The following GJA8 variants were observed in gnomAD, a reference collection of about 807,000 sequenced individuals.
GJA8 encodes the protein gap junction alpha-8 protein.
GJA8 carries 13 observed loss-of-function variants against 15.3 expected under a neutral mutation model. The observed-to-expected ratio is 0.85, with a 90% confidence interval of 0.55 to 1.35. GJA8 has a LOEUF of 1.35. Among genes scored for constraint, GJA8 ranks in the 40% most tolerant of loss-of-function variants. The pLI, the probability that GJA8 is intolerant of heterozygous loss-of-function variation, is 0.00. For synonymous variants in GJA8, 304 were observed against 238.7 expected (o/e 1.27, Z -2.52); for missense variants, 607 against 553.3 (o/e 1.10, Z -0.97).
chr1:147,908,923 A>G lies in GJA8; in HGVS notation c.968A>G (p.Tyr323Cys), dbSNP rs1198931572. 1.2e-6 allele frequency: 2 copies of G among 1,612,186 alleles called. No homozygotes were observed. Among genetic ancestry groups the G allele is most frequent in the East Asian group, 2.2e-5 (1 of 44,850 alleles). Residue 323 changes from tyrosine to cysteine, a missense_variant, in exon 2 of 2, where the codon TAC (tyrosine) becomes TGC (cysteine). Tyr to Cys is a radical substitution (Grantham distance 194, BLOSUM62 -2). Coordinates refer to ENST00000369235, the MANE Select transcript of GJA8 (RefSeq NM_005267.5). ...GGCTACCAAGAGACACTGCCTTCCTACGCTCAGGTGGGGGCACAAGAAGTG... is the reference window on the plus strand; with the variant it reads ...GGCTACCAAGAGACACTGCCTTCCTGCGCTCAGGTGGGGGCACAAGAAGTG... ...SRGYQETLPS[Y>C]AQVGAQEVEG... is the part of the protein sequence containing the mutation.
rs782584748 is a variant in GJA8 at position 147,909,024 on chromosome 1, A to G, written c.1069A>G (p.Thr357Ala). Residue 357 changes from threonine (T) to alanine (A), a missense_variant, in exon 2 of 2, where the codon ACC becomes GCC. Physicochemically the swap from Thr to Ala is moderately conservative, Grantham distance 58. Transcript: ENST00000369235. ...GEKKEEAERL[T>A]TEEQEKVAVP... is the part of the protein sequence containing the mutation. ...GAAGAAGGAGGAAGCAGAGAGGCTGACCACGGAGGAGCAGGAGAAGGTGGC... is the reference window on the plus strand; with the variant it reads ...GAAGAAGGAGGAAGCAGAGAGGCTGGCCACGGAGGAGCAGGAGAAGGTGGC... The G allele has an allele frequency of 6.3e-6, 10 of 1,596,120 alleles. No individual in the cohort carries two copies. The South Asian group carries it at 1.0e-4, about 16-fold the overall frequency.
At chr1:147,904,215 G>A (rs1187987765) in intron 1 of GJA8, among the ~76,000 whole-genome samples, 1 of 152,170 alleles carries the variant, frequency 6.6e-6, no homozygotes, top group Non-Finnish European at 1.5e-5. Flanking sequence ...TTACAGGCAT[G>A]AGTCACCACG....
chr1:147,909,370 G>A (rs1390855484), downstream of GJA8: 8 of 836,894 alleles, frequency 9.6e-6, no homozygotes, highest in African/African-American at 1.4e-4. Context: ...CCAGCCTCTG[G>A]TTGGACAGGC....
intron 1 of GJA8, among the ~76,000 whole-genome samples, chr1:147,907,141 C>G (rs756212294): frequency 5.9e-5 from 9 of 152,102 alleles, no homozygotes; most frequent in Non-Finnish European, 1.0e-4. Context: ...CTTGCCCTGG[C>G]CTCCCAAAGT....
downstream of GJA8, among the ~76,000 whole-genome samples, chr1:147,913,774 C>G (rs1359431407): frequency 6.6e-6 from 1 of 152,174 alleles, no homozygotes; most frequent in Non-Finnish European, 1.5e-5. Flanking sequence ...TCTATGCATA[C>G]TGTGTGCAAA....
At chr1:147,907,190 A>G (rs1207013190) in intron 1 of GJA8, among the ~76,000 whole-genome samples, 1 of 152,150 alleles carries the variant, frequency 6.6e-6, no homozygotes, top group African/African-American at 2.4e-5. Flanking sequence ...CCTGGCCTTC[A>G]GTTTTCTTAT....
chr1:147,905,146 G>A (rs1651741606), intron 1 of GJA8, among the ~76,000 whole-genome samples: 1 of 152,140 alleles, frequency 6.6e-6, no homozygotes, highest in Admixed American at 6.5e-5. Flanking sequence ...TGTAGCAAGA[G>A]GACTGAAGTT....
rs782245059 is a variant in GJA8, at chr1:147,908,360, C to T, written c.405C>T (p.Ser135=). ...GCAGCGTCAAGAAGAGCAGCGGCAG[C>T]AAAGGCACTAAGAAGTTCCGGCTGG... ...DQGSVKKSSG[S]KGTKKFRLEG... is the part of the protein sequence containing the mutation. Residue 135 remains serine, a synonymous_variant, in exon 2 of 2, where the codon AGC becomes AGT. Coordinates refer to ENST00000369235, the MANE Select transcript of GJA8 (RefSeq NM_005267.5). 5.0e-6 allele frequency: 8 copies of T among 1,614,084 alleles called. No individual in the cohort carries two copies. The Admixed American group carries it at 5.0e-5, about 10-fold the overall frequency.
intron 1 of GJA8, 46 bp from the exon 2 acceptor site, chr1:147,907,899 T>C (rs1651860520): frequency 3.0e-6 from 4 of 1,327,438 alleles, no homozygotes; most frequent in Middle Eastern, 2.0e-4. Flanking sequence ...TGACTCAGGG[T>C]TGCATTGCGG....
At chr1:147,911,969 C>T (rs1553243538), downstream of GJA8, among the ~76,000 whole-genome samples, 1 of 151,792 alleles carries the variant, frequency 6.6e-6, no homozygotes, top group African/African-American at 2.4e-5. Context: ...ACACTGTCCC[C>T]ACATTTTCCC....
At chr1:147,909,268 AAG>A (rs1553243073) in exon 2 of GJA8, 6 of 1,472,608 alleles carry the variant, frequency 4.1e-6, no homozygotes, top group South Asian at 4.6e-5. Flanking sequence ...AGTGACGCCA[AAG>A]AAAAAAAAAA....
At chr1:147,907,902 C>T in intron 1 of GJA8, 43 bp from the exon 2 acceptor site, 1 of 1,362,034 alleles carries the variant, frequency 7.3e-7, no homozygotes, top group Non-Finnish European at 1.0e-6. Flanking sequence ...CTCAGGGTTG[C>T]ATTGCGGCCG....
At position 147,908,380 on chromosome 1, in the gene GJA8, G is replaced by A. The variant is rs782294604; in HGVS notation, c.425G>A (p.Arg142Gln). The part of the protein sequence containing the change: ...SSGSKGTKKF[R>Q]LEGTLLRTYI... ...GGCAGCAAAGGCACTAAGAAGTTCC[G>A]GCTGGAGGGGACCCTGCTGAGGACC... is the stretch of plus-strand genomic sequence containing the variant. Residue 142 changes from arginine to glutamine, a missense_variant, in exon 2 of 2, where the codon CGG (arginine) becomes CAG (glutamine). Transcript: ENST00000369235. The A allele has an allele frequency of 3.7e-6, 6 of 1,614,066 alleles. No homozygotes were observed. The highest frequency in any genetic ancestry group is 1.7e-5 in the Admixed American group (1 of 60,006).
At chr1:147,906,876 C>A (rs587741296) in intron 1 of GJA8, among the ~76,000 whole-genome samples, 21 of 152,164 alleles carry the variant, frequency 1.4e-4, no homozygotes, top group Non-Finnish European at 2.8e-4. Context: ...CCTCAGATTT[C>A]TTTTTTCTTT....
downstream of GJA8, among the ~76,000 whole-genome samples, chr1:147,912,916 GAA>G (rs1386887543): frequency 7.1e-6 from 1 of 140,082 alleles, no homozygotes; most frequent in East Asian, 2.1e-4. Flanking sequence ...AAAAAAAAAA[GAA>G]AGAAAAGAAA....
chr1:147,912,800 G>A (rs1446225139), downstream of GJA8, among the ~76,000 whole-genome samples: 3 of 151,606 alleles, frequency 2.0e-5, no homozygotes, highest in African/African-American at 7.3e-5. Flanking sequence ...CACCCTCAGG[G>A]GATATCTGTG....
At chr1:147,912,597 C>G (rs1239454933), downstream of GJA8, among the ~76,000 whole-genome samples, 1 of 152,138 alleles carries the variant, frequency 6.6e-6, no homozygotes, top group Non-Finnish European at 1.5e-5. Flanking sequence ...ATAATTATGA[C>G]TGAGTCAGGA....
At chr1:147,907,842 T>C in intron 1 of GJA8, 103 bp from the exon 2 acceptor site, 1 of 825,952 alleles carries the variant, frequency 1.2e-6, no homozygotes, top group Non-Finnish European at 2.1e-6. Flanking sequence ...TTGACCGTTC[T>C]GGCAACTTGG....
At chr1:147,903,435 T>G (rs1216420238) in intron 1 of GJA8, among the ~76,000 whole-genome samples, 1 of 152,192 alleles carries the variant, frequency 6.6e-6, no homozygotes, top group Non-Finnish European at 1.5e-5. Context: ...AGAGGCACTT[T>G]CCACCTGGTT....
Sources: allele counts gnomAD v4.1 joint callset (sites outside exome capture counted in the v4.1 genomes callset), GRCh38; gene constraint gnomAD v4.1.1; transcripts MANE v1.5; gene names NCBI Gene and HGNC (gene_info 2026-07-23, HGNC 2026-07-21).